The following GSE1 variants were observed in gnomAD, a reference collection of about 807,000 sequenced individuals.
The protein encoded by GSE1 is genetic suppressor element 1.
A neutral mutation model predicts 112.6 loss-of-function variants in GSE1; 32 were observed. The observed-to-expected ratio is 0.28, with a 90% CI of 0.21 to 0.38. GSE1 has a LOEUF of 0.38. Among genes scored for constraint, GSE1 ranks in the 10% least tolerant of loss-of-function variants. The pLI is 1.00. For synonymous variants in GSE1, 1,115 were observed against 735.6 expected (o/e 1.52, Z -8.35); for missense variants, 2,348 against 1,699.2 (o/e 1.38, Z -6.71).
intron 1 of GSE1, among the ~76,000 whole-genome samples, chr16:85,225,703 T>C (rs2075473470): frequency 6.6e-6 from 1 of 152,234 alleles, no homozygotes. Context: ...CAGAGAATCT[T>C]GGTGTGGAAT....
chr16:85,299,935 C>CAA (rs35622442), intron 1 of GSE1, among the ~76,000 whole-genome samples: 2,872 of 84,112 alleles, frequency 0.034, 107 homozygotes, highest in African/African-American at 0.095. Flanking sequence ...GACCCTGTCT[C>CAA]AAAAAAAAAA....
At chr16:85,248,004 G>A (rs552979540) in intron 1 of GSE1, among the ~76,000 whole-genome samples, 2 of 152,366 alleles carry the variant, frequency 1.3e-5, no homozygotes, top group East Asian at 3.9e-4. Flanking sequence ...AGGACAGCTA[G>A]GGGTGACCCT....
chr16:85,469,223 T>A (rs1597849959), intron 2 of GSE1, among the ~76,000 whole-genome samples: 1 of 151,862 alleles, frequency 6.6e-6, no homozygotes, highest in African/African-American at 2.4e-5. Context: ...GCCATTGCAC[T>A]GCAGCCTGCA....
At chr16:85,575,045 C>T (rs1233683181) in intron 1 of GSE1, among the ~76,000 whole-genome samples, 1 of 151,682 alleles carries the variant, frequency 6.6e-6, no homozygotes, top group South Asian at 2.1e-4. Context: ...CCCGCTCCCC[C>T]TCTCCCCCGC....
chr16:85,665,253 T>C (rs1454039694), intron 12 of GSE1, 125 bp downstream of exon 12: 3 of 625,146 alleles, frequency 4.8e-6, no homozygotes, highest in Non-Finnish European at 8.6e-6. Flanking sequence ...TCTTCTTCCA[T>C]TCTTGTACCA....
intron 2 of GSE1, among the ~76,000 whole-genome samples, chr16:85,413,922 C>T (rs1054781035): frequency 6.6e-6 from 1 of 152,184 alleles, no homozygotes; most frequent in East Asian, 1.9e-4. Context: ...ACAGGCCCTT[C>T]CCCCTTTGCT....
chr16:85,224,975 A>C (rs1290470792), intron 1 of GSE1, among the ~76,000 whole-genome samples: 2 of 152,178 alleles, frequency 1.3e-5, no homozygotes, highest in African/African-American at 2.4e-5. Context: ...TAAAAATACA[A>C]AACAAATTAG....
At chr16:85,547,348 G>T (rs987166951) in intron 2 of GSE1, among the ~76,000 whole-genome samples, 1 of 152,222 alleles carries the variant, frequency 6.6e-6, no homozygotes, top group African/African-American at 2.4e-5. Context: ...GCGGGGCCAT[G>T]CTCCCTCTGG....
intron 2 of GSE1, among the ~76,000 whole-genome samples, chr16:85,478,835 T>G: frequency 7.1e-6 from 1 of 141,192 alleles, no homozygotes; most frequent in Non-Finnish European, 1.5e-5. Context: ...GCCCCGCTCA[T>G]TTATTTTCTT....
intron 1 of GSE1, among the ~76,000 whole-genome samples, chr16:85,299,684 T>G (rs2045465363): frequency 6.6e-6 from 1 of 152,120 alleles, no homozygotes; most frequent in Admixed American, 6.6e-5. Flanking sequence ...TCCCAGCACT[T>G]TGGAAGGTCA....
chr16:85,497,446 G>C (rs950519726), intron 2 of GSE1, among the ~76,000 whole-genome samples: 1 of 152,198 alleles, frequency 6.6e-6, no homozygotes, highest in African/African-American at 2.4e-5. Flanking sequence ...GGATGGTTGG[G>C]ATAGACAAGG....
intron 1 of GSE1, among the ~76,000 whole-genome samples, chr16:85,181,292 A>G (rs1412986063): frequency 1.3e-5 from 2 of 152,192 alleles, no homozygotes; most frequent in Non-Finnish European, 2.9e-5. Flanking sequence ...GGATGGTATC[A>G]TTCCCGCTTT....
chr16:85,498,286 G>C (rs13334937), intron 2 of GSE1, among the ~76,000 whole-genome samples: 3,041 of 152,208 alleles, frequency 0.02, 94 homozygotes, highest in African/African-American at 0.067. Context: ...CACATGCATA[G>C]ATGGCTACAC....
intron 1 of GSE1, among the ~76,000 whole-genome samples, chr16:85,219,568 C>G (rs2075358020): frequency 6.6e-6 from 1 of 152,228 alleles, no homozygotes; most frequent in Non-Finnish European, 1.5e-5. Flanking sequence ...AGTACACTCA[C>G]TGCACGGCCC....
intron 1 of GSE1, among the ~76,000 whole-genome samples, chr16:85,246,479 AC>A (rs1905820140): frequency 1.9e-5 from 2 of 107,938 alleles, no homozygotes; most frequent in Non-Finnish European, 3.8e-5. Context: ...CTGCACACAC[AC>A]ACACACACAC....
chr16:85,670,416 A>G (rs558627348), intron 14 of GSE1, among the ~76,000 whole-genome samples: 1 of 151,962 alleles, frequency 6.6e-6, no homozygotes, highest in Non-Finnish European at 1.5e-5. Context: ...TCCTTGTTGA[A>G]TTTGTTAGTA....
Position 85,506,913 on chromosome 16 carries a change from G to A in GSE1, c.2465-127001G>A, listed in dbSNP as rs2051553857. On this transcript the variant is annotated intron_variant, in intron 2 of 2. Coordinates refer to the GSE1 transcript ENST00000637419. ...CCACCCTCCCCTGTTGAGCCAGGGAGGCCCCGACAGCCCCCTCCTTCCAAG... is the reference window on the plus strand; with the variant it reads ...CCACCCTCCCCTGTTGAGCCAGGGAAGCCCCGACAGCCCCCTCCTTCCAAG... 2.0e-5 allele frequency among the ~76,000 whole-genome samples: 3 copies of A among 152,154 alleles called. No homozygotes were observed. The South Asian group carries it at 6.2e-4, about 32-fold the overall frequency.
intron 2 of GSE1, among the ~76,000 whole-genome samples, chr16:85,410,171 CCT>C (rs2048471144): frequency 1.5e-5 from 1 of 67,378 alleles, no homozygotes; most frequent in Non-Finnish European, 2.7e-5. Context: ...TCAGGGCCCC[CCT>C]GGATAATCCT....
intron 2 of GSE1, among the ~76,000 whole-genome samples, chr16:85,408,916 CCT>C (rs1170918847): frequency 1.0e-4 from 1 of 9,670 alleles, no homozygotes. Flanking sequence ...CTCAGGCCCC[CCT>C]GGATAATCCT....
Sources: gnomAD v4.1 joint callset for allele counts (sites outside exome capture counted in the v4.1 genomes callset) on GRCh38, gnomAD v4.1.1 for gene constraint, MANE v1.5 for transcripts, NCBI Gene and HGNC (gene_info 2026-07-23, HGNC 2026-07-21) for gene names.